Variants in SCGB2B2 observed in about 807,000 individuals in gnomAD.
The protein encoded by SCGB2B2 is secretoglobin-like protein.
Under a neutral mutation model 7.6 loss-of-function variants are expected in SCGB2B2, and 11 were observed. The observed-to-expected ratio is 1.45, with a 90% CI of 0.91 to 2.40. SCGB2B2 has a LOEUF of 2.40. Among genes scored for constraint, SCGB2B2 ranks in the 30% most tolerant of loss-of-function variants. SCGB2B2 has a pLI of 0.00. For synonymous variants in SCGB2B2, 50 were observed against 48.6 expected (o/e 1.03, Z -0.12); for missense variants, 104 against 115.4 (o/e 0.90, Z 0.45).
intron 3 of SCGB2B2, 70 bp from the exon 4 acceptor site, chr19:34,593,669 C>G: frequency 7.7e-7 from 1 of 1,304,646 alleles, no homozygotes; most frequent in South Asian, 1.3e-5. Flanking sequence ...ATCGTTATTG[C>G]CCGGTCCCCG....
chr19:34,618,889 C>T (rs2066164442), intron 1 of SCGB2B2, among the ~76,000 whole-genome samples: 1 of 152,190 alleles, frequency 6.6e-6, no homozygotes, highest in Non-Finnish European at 1.5e-5. Context: ...GGGGACCTGG[C>T]CTAAGCCTTA....
chr19:34,645,648 C>G, intron 1 of SCGB2B2: 1 of 347,386 alleles, frequency 2.9e-6, no homozygotes, highest in Non-Finnish European at 5.8e-6. Context: ...CTGCTGGGAC[C>G]AGACTCCACT....
intron 1 of SCGB2B2, among the ~76,000 whole-genome samples, chr19:34,623,722 C>T (rs1187196216): frequency 6.6e-6 from 1 of 152,108 alleles, no homozygotes; most frequent in Admixed American, 6.6e-5. Context: ...TGACTCTGTC[C>T]CTGGCTTCTC....
chr19:34,672,576 C>A (rs2067829908), intron 1 of SCGB2B2, among the ~76,000 whole-genome samples: 1 of 152,126 alleles, frequency 6.6e-6, no homozygotes, highest in Non-Finnish European at 1.5e-5. Flanking sequence ...CATCTTTATC[C>A]CTTGGTCAAG....
chr19:34,658,060 GAC>G (rs1332132565), intron 1 of SCGB2B2, among the ~76,000 whole-genome samples: 4 of 152,080 alleles, frequency 2.6e-5, no homozygotes, highest in Non-Finnish European at 5.9e-5. Context: ...AGAACAAAGA[GAC>G]AACATACCAG....
intron 1 of SCGB2B2, among the ~76,000 whole-genome samples, chr19:34,674,728 T>G (rs28449888): frequency 0.099 from 14,916 of 151,086 alleles, 869 homozygotes; most frequent in Middle Eastern, 0.24. Context: ...AGAGGAAGAG[T>G]TTGCTGATTA....
At position 34,606,034 on chromosome 19, in the gene SCGB2B2, C is replaced by T. The variant is rs182818002; in HGVS notation, c.-2031-9440G>A. Among the ~76,000 whole-genome samples the T allele has an allele frequency of 3.6e-3, 544 of 151,104 alleles. 3 individuals carry two copies. The highest frequency in any genetic ancestry group is 5.8e-3 in the Non-Finnish European group (395 of 67,818). Reference sequence around the variant, plus strand: ...TGTCAATATATTTAATGTATTTTTACGTAGTTACTAAAATTTTTTTTTTAT... The same window carrying T: ...TGTCAATATATTTAATGTATTTTTATGTAGTTACTAAAATTTTTTTTTTAT... On this transcript the variant is annotated intron_variant, in intron 1 of 3. Coordinates refer to ENST00000601241, the MANE Select transcript of SCGB2B2 (RefSeq NM_001025591.4).
At chr19:34,662,689 G>C (rs892191455) in intron 1 of SCGB2B2, among the ~76,000 whole-genome samples, 2 of 151,928 alleles carry the variant, frequency 1.3e-5, no homozygotes, top group Non-Finnish European at 2.9e-5. Flanking sequence ...AAAATATAAA[G>C]AACTCCTTTA....
intron 1 of SCGB2B2, among the ~76,000 whole-genome samples, chr19:34,631,667 T>C (rs532839626): frequency 4.3e-4 from 65 of 152,276 alleles, no homozygotes; most frequent in African/African-American, 1.5e-3. Flanking sequence ...ACACTCAATA[T>C]TGTTAACGTT....
Position 34,594,197 on chromosome 19 carries a change from C to T in SCGB2B2, c.224G>A (p.Arg75Lys). The T allele has an allele frequency of 6.2e-7, 1 of 1,614,078 alleles. No homozygotes were observed. Among genetic ancestry groups the T allele is most frequent in the East Asian group, 2.2e-5 (1 of 44,874 alleles). Residue 75 changes from arginine (R) to lysine (K), a missense_variant, in exon 3 of 4, where the codon AGA (arginine) becomes AAA (lysine). Transcript: ENST00000601241. ...CACAATAACAACTGAATGAGCAAAT[C>T]TTTCTGTCACGGAGACATTGGCAAA... ...QCFANVSVTE[R>K]FAHSVVIKKI...
At chr19:34,667,833 T>C (rs2067678600) in intron 1 of SCGB2B2, among the ~76,000 whole-genome samples, 2 of 151,820 alleles carry the variant, frequency 1.3e-5, no homozygotes, top group Admixed American at 6.6e-5. Context: ...CCCACACCCA[T>C]ACTCACTAGG....
intron 1 of SCGB2B2, among the ~76,000 whole-genome samples, chr19:34,614,801 G>A (rs997790804): frequency 2.6e-5 from 4 of 152,208 alleles, no homozygotes; most frequent in African/African-American, 7.2e-5. Context: ...TCTTGTGCCA[G>A]TTGGCAAGAA....
intron 1 of SCGB2B2, among the ~76,000 whole-genome samples, chr19:34,612,004 T>A (rs1219395743): frequency 6.7e-6 from 1 of 149,056 alleles, no homozygotes; most frequent in Non-Finnish European, 1.5e-5. Context: ...TTTTCATATA[T>A]TTGTGTTTTA....
chr19:34,672,782 G>A (rs1475470344), intron 1 of SCGB2B2, among the ~76,000 whole-genome samples: 1 of 152,116 alleles, frequency 6.6e-6, no homozygotes, highest in Non-Finnish European at 1.5e-5. Flanking sequence ...CTGAAACTTT[G>A]TCTCCCTTCA....
Position 34,591,710 on chromosome 19 carries a change from C to T in SCGB2B2, c.*1845G>A, listed in dbSNP as rs563611128. Among the ~76,000 whole-genome samples the T allele has an allele frequency of 3.3e-5, 5 of 152,272 alleles. No individual in the cohort carries two copies. Among genetic ancestry groups the T allele is most frequent in the African/African-American group, 9.6e-5 (4 of 41,540 alleles). ...CACAACAAATCCTTTCTCATCATGC[C>T]GCATTCCCTGCCCCAGACCTTCACC... On this transcript the variant is annotated 3_prime_UTR_variant, in exon 4 of 4. Transcript: ENST00000601241.
At chr19:34,662,346 T>G (rs1034018520) in intron 1 of SCGB2B2, among the ~76,000 whole-genome samples, 3 of 152,148 alleles carry the variant, frequency 2.0e-5, no homozygotes, top group Non-Finnish European at 4.4e-5. Flanking sequence ...GTCCATTCCA[T>G]GTACTTTAGA....
intron 1 of SCGB2B2, among the ~76,000 whole-genome samples, chr19:34,639,403 A>G (rs1485466550): frequency 1.3e-5 from 2 of 152,224 alleles, no homozygotes; most frequent in East Asian, 1.9e-4. Flanking sequence ...CCAAATATAG[A>G]AAACACATTC....
rs923515690 is a variant in SCGB2B2 at position 34,654,041 on chromosome 19, C to T, written c.-2032+21589G>A. Among the ~76,000 whole-genome samples, 4 of 150,732 alleles carry T rather than the reference C, an allele frequency of 2.7e-5. 1 individual carries two copies. Among genetic ancestry groups the T allele is most frequent in the Admixed American group, 1.3e-4 (2 of 15,236 alleles). ...TAAAACTTTATCTCTTAGAAGATCA[C>T]ATGATGTTGGTTGTGAGATGTGTTC... On this transcript the variant is annotated intron_variant, in intron 1 of 3. Coordinates refer to ENST00000601241, the MANE Select transcript of SCGB2B2 (RefSeq NM_001025591.4).
downstream of SCGB2B2, among the ~76,000 whole-genome samples, chr19:34,587,636 C>G (rs2065211012): frequency 6.6e-6 from 1 of 152,120 alleles, no homozygotes; most frequent in Non-Finnish European, 1.5e-5. Flanking sequence ...TTGTACTTTT[C>G]CCTATTCACT....
Sources: allele counts gnomAD v4.1 joint callset (sites outside exome capture counted in the v4.1 genomes callset), GRCh38; gene constraint gnomAD v4.1.1; transcripts MANE v1.5; gene names NCBI Gene and HGNC (gene_info 2026-07-23, HGNC 2026-07-21).